The following WDR20 variants were observed in gnomAD, a reference collection of about 807,000 sequenced individuals.
WDR20 encodes WD repeat-containing protein 20.
Under a neutral mutation model 38.7 loss-of-function variants are expected in WDR20, and 3 were observed. The observed-to-expected ratio is 0.08, with a 90% CI of 0.04 to 0.20. The LOEUF (loss-of-function observed/expected upper bound fraction) is 0.20. Among genes scored for constraint, WDR20 ranks in the 10% least tolerant of loss-of-function variants. The probability of loss-of-function intolerance (pLI) is 1.00; values close to 1 mark genes in which losing one functional copy is unlikely to be tolerated. For synonymous variants in WDR20, 298 were observed against 285.6 expected, an observed-to-expected ratio of 1.04 and a Z score of -0.44; for missense variants, 559 against 727.7, an observed-to-expected ratio of 0.77 and a Z score of 2.67.
intron 1 of WDR20, among the ~76,000 whole-genome samples, chr14:102,160,528 C>T (rs1290745537): frequency 6.6e-6 from 1 of 152,088 alleles, no homozygotes; most frequent in African/African-American, 2.4e-5. Flanking sequence ...TATTGGAGAT[C>T]TTTCCATTTT....
chr14:102,170,403 C>T (rs532603024), intron 1 of WDR20, among the ~76,000 whole-genome samples: 37 of 152,248 alleles, frequency 2.4e-4, no homozygotes, highest in African/African-American at 8.9e-4. Context: ...GAGACATAGT[C>T]AAATCGCCTT....
At chr14:102,183,723 G>A (rs987953995) in intron 1 of WDR20, among the ~76,000 whole-genome samples, 5 of 152,190 alleles carry the variant, frequency 3.3e-5, no homozygotes, top group African/African-American at 1.2e-4. Context: ...TTTTCACTTA[G>A]GATGGGAACT....
At position 102,182,666 on chromosome 14, in the gene WDR20, T is replaced by A. The variant is rs139412457; in HGVS notation, c.250-12272T>A. Reference sequence around the variant, plus strand: ...AACTACTAGAATAATTTTGAAATAGTTTTAGTAGTTTTTTTGGTTATTTTT... The same window carrying A: ...AACTACTAGAATAATTTTGAAATAGATTTAGTAGTTTTTTTGGTTATTTTT... On this transcript the variant is annotated intron_variant, in intron 1 of 2. Transcript: ENST00000342702. Among the ~76,000 whole-genome samples, 782 of 152,036 alleles carry A rather than the reference T, an allele frequency of 5.1e-3. 4 individuals are homozygous for A. The highest frequency in any genetic ancestry group is 7.3e-3 in the Non-Finnish European group (498 of 67,960).
At chr14:102,214,614 G>A, downstream of WDR20, 2 of 985,184 alleles carry the variant, frequency 2.0e-6, no homozygotes, top group Non-Finnish European at 2.4e-6. Flanking sequence ...GTATACTTGA[G>A]TTTATTAGAG....
chr14:102,211,960 C>G (rs1376629746), downstream of WDR20, among the ~76,000 whole-genome samples: 1 of 152,134 alleles, frequency 6.6e-6, no homozygotes, highest in Non-Finnish European at 1.5e-5. This position sits in a 1 kb window ranked among gnomAD's most constrained non-coding sequence, Gnocchi z 4.2. Context: ...GCCCGAGTAA[C>G]CAACGTGACC....
downstream of WDR20, among the ~76,000 whole-genome samples, chr14:102,224,072 C>T (rs535909872): frequency 9.5e-4 from 135 of 141,548 alleles, 1 homozygote; most frequent in African/African-American, 3.5e-3. Flanking sequence ...GATGGAGTCT[C>T]CCTCTGTTGT....
chr14:102,149,142 A>G (rs2054819413), intron 1 of WDR20, among the ~76,000 whole-genome samples: 1 of 152,178 alleles, frequency 6.6e-6, no homozygotes, highest in Non-Finnish European at 1.5e-5. Context: ...AGCCTGGGCG[A>G]CAGAGTGAGA....
intron 1 of WDR20, among the ~76,000 whole-genome samples, chr14:102,172,962 C>T (rs1387134773): frequency 6.6e-6 from 1 of 150,700 alleles, no homozygotes; most frequent in Non-Finnish European, 1.5e-5. Flanking sequence ...GCGCTCCTCA[C>T]ATCCCAGACG....
intron 1 of WDR20, among the ~76,000 whole-genome samples, chr14:102,158,108 A>G (rs1190185723): frequency 2.0e-5 from 3 of 151,992 alleles, no homozygotes; most frequent in Non-Finnish European, 4.4e-5. Context: ...CGCCCCTCGT[A>G]TACACACTCG....
rs1425942942 is a variant in WDR20, at chr14:102,209,460, A to G, written c.1290A>G (p.Pro430=). 6 of 1,614,208 alleles carry G rather than the reference A, an allele frequency of 3.7e-6. No homozygotes were observed. The South Asian group carries it at 5.5e-5, about 15-fold the overall frequency. ...GGAACTCTGTGCCGCCTCCTCTGCC[A>G]CGGTCCAACAGCCTTCCACATTCAG... The part of the protein sequence containing the change: ...TPGNSVPPPL[P]RSNSLPHSAV... The change falls in exon 3 of 3, where the codon CCA becomes CCG. Residue 430 remains proline, a synonymous_variant. Coordinates refer to ENST00000342702, the MANE Select transcript of WDR20 (RefSeq NM_144574.4). The surrounding 1 kb of genome is among the most constrained non-coding windows in gnomAD (Gnocchi z 6.0).
chr14:102,212,718 T>C (rs1302535911), downstream of WDR20: 2 of 1,477,048 alleles, frequency 1.4e-6, no homozygotes, highest in Non-Finnish European at 1.8e-6. Flanking sequence ...TGGTTCCTGA[T>C]ATCAGGTGTG....
In WDR20 at chr14:102,192,908, A is replaced by T. The variant is rs533973324; in HGVS notation, c.250-2030A>T. Among the ~76,000 whole-genome samples, 7 of 152,126 alleles carry T rather than the reference A, an allele frequency of 4.6e-5. No individual in the cohort carries two copies. In the East Asian group the frequency reaches 1.4e-3, roughly 29 times the overall value. On this transcript the variant is annotated intron_variant, in intron 1 of 2. Transcript: ENST00000342702. The stretch of plus-strand genomic sequence containing the variant: ...CTGTCACCTTGAATTCCTGGGCTCA[A>T]GCAGTCTTCCCACCTCAGCCTCCTG...
intron 1 of WDR20, among the ~76,000 whole-genome samples, chr14:102,169,082 C>G (rs1457637946): frequency 6.6e-6 from 1 of 152,176 alleles, no homozygotes. Context: ...TTGCTGCCAC[C>G]TCCTCCTCAT....
At chr14:102,168,895 T>C (rs1020610111) in intron 1 of WDR20, among the ~76,000 whole-genome samples, 1 of 152,214 alleles carries the variant, frequency 6.6e-6, no homozygotes, top group Non-Finnish European at 1.5e-5. Flanking sequence ...CCCACCTCTA[T>C]CCTTGCCTCT....
At chr14:102,182,447 C>T (rs2063573164) in intron 1 of WDR20, among the ~76,000 whole-genome samples, 1 of 152,158 alleles carries the variant, frequency 6.6e-6, no homozygotes, top group Non-Finnish European at 1.5e-5. Flanking sequence ...GAGTAATAGA[C>T]TCCTGTGGTC....
chr14:102,222,603 G>C lies in WDR20; in HGVS notation c.1693-227G>C, dbSNP rs143244586. Among the ~76,000 whole-genome samples, 1 of 152,164 alleles carries C rather than the reference G, an allele frequency of 6.6e-6. No individual in the cohort carries two copies. The highest frequency in any genetic ancestry group is 1.5e-5 in the Non-Finnish European group (1 of 68,022). On this transcript the variant is annotated intron_variant, in intron 3 of 3. Transcript: ENST00000335263. This position sits in a 1 kb window ranked among gnomAD's most constrained non-coding sequence, Gnocchi z 4.4. ...AGCCCTGCCCGCCCTTCTCTTGGAC[G>C]GTATTGAGGCCACAGTATTGCACCC...
At chr14:102,142,527 C>A (rs59621922) in intron 1 of WDR20, among the ~76,000 whole-genome samples, 12,975 of 152,030 alleles carry the variant, frequency 0.085, 960 homozygotes, top group African/African-American at 0.21. Context: ...GCTCATCGTT[C>A]ACTACAGCCT....
At chr14:102,156,014 G>T (rs1216346989) in intron 1 of WDR20, among the ~76,000 whole-genome samples, 1 of 149,304 alleles carries the variant, frequency 6.7e-6, no homozygotes, top group East Asian at 2.0e-4. Context: ...CTGGGCTCAT[G>T]CGAACCTCCC....
chr14:102,201,724 C>T (rs1359943096), intron 2 of WDR20, among the ~76,000 whole-genome samples: 1 of 152,174 alleles, frequency 6.6e-6, no homozygotes, highest in East Asian at 1.9e-4. Flanking sequence ...TTTCGTTTTG[C>T]TTTTAAGGTT....
Sources: gnomAD v4.1 joint callset for allele counts (sites outside exome capture counted in the v4.1 genomes callset) on GRCh38, gnomAD v4.1.1 for gene constraint, Gnocchi (gnomAD v3.1) non-coding constraint, MANE v1.5 for transcripts, NCBI Gene and HGNC (gene_info 2026-07-23, HGNC 2026-07-21) for gene names.